ZNF385D: variants seen among roughly 807,000 people sequenced by gnomAD.
ZNF385D encodes the protein zinc finger protein 659.
In ZNF385D, 15 loss-of-function variants were observed where a neutral mutation model predicts 35.8. That is an observed-to-expected ratio of 0.42 (90% confidence interval 0.28 to 0.64). ZNF385D has a LOEUF of 0.64. Ranked by LOEUF, ZNF385D falls within the 30% of genes least tolerant of loss-of-function variation. The probability of loss-of-function intolerance (pLI) is 0.23; values close to 1 mark genes in which losing one functional copy is unlikely to be tolerated. For synonymous variants in ZNF385D, 212 were observed against 186.8 expected, an observed-to-expected ratio of 1.13 and a Z score of -1.10; for missense variants, 474 against 494.6, an observed-to-expected ratio of 0.96 and a Z score of 0.39.
chr3:21,860,575 A>T (rs2670245), intron 3 of ZNF385D, among the ~76,000 whole-genome samples: 65,137 of 151,992 alleles, frequency 0.43, 14,466 homozygotes, highest in Middle Eastern at 0.62. Context: ...CACTGCCAAC[A>T]TGAAAGTGCT....
chr3:22,031,130 T>A (rs989562220), intron 3 of ZNF385D, among the ~76,000 whole-genome samples: 1 of 152,204 alleles, frequency 6.6e-6, no homozygotes, highest in African/African-American at 2.4e-5. Context: ...GCTGCTTTCT[T>A]AGGCTGGTGT....
intron 2 of ZNF385D, among the ~76,000 whole-genome samples, chr3:21,594,147 T>A (rs2064063238): frequency 6.6e-6 from 1 of 152,202 alleles, no homozygotes; most frequent in East Asian, 1.9e-4. Context: ...CAGGCAATTC[T>A]AAAAGTTGTT....
At chr3:21,616,734 T>C (rs1039874510) in intron 2 of ZNF385D, among the ~76,000 whole-genome samples, 9 of 152,220 alleles carry the variant, frequency 5.9e-5, no homozygotes, top group Non-Finnish European at 1.2e-4. Flanking sequence ...ATAGCACTCA[T>C]TATAACATTT....
At chr3:22,253,308 G>C (rs1469567352) in intron 2 of ZNF385D, among the ~76,000 whole-genome samples, 4 of 151,716 alleles carry the variant, frequency 2.6e-5, no homozygotes, top group Non-Finnish European at 5.9e-5. Context: ...CTAAGAAATA[G>C]ACTGTAATTG....
At chr3:21,583,466 T>G (rs551983531) in intron 2 of ZNF385D, among the ~76,000 whole-genome samples, 2 of 152,254 alleles carry the variant, frequency 1.3e-5, no homozygotes, top group African/African-American at 4.8e-5. Context: ...CAAAACAGCT[T>G]CAGATGAAGA....
intron 1 of ZNF385D, among the ~76,000 whole-genome samples, chr3:21,726,690 A>G (rs895379285): frequency 5.9e-5 from 9 of 152,106 alleles, no homozygotes; most frequent in African/African-American, 9.7e-5. Context: ...ACAAATGGAA[A>G]AAGTTTGCAT....
intron 1 of ZNF385D, among the ~76,000 whole-genome samples, chr3:21,673,389 A>G (rs1425765190): frequency 6.6e-6 from 1 of 152,186 alleles, no homozygotes; most frequent in Non-Finnish European, 1.5e-5. Flanking sequence ...TGGACATTAC[A>G]GCTCCAGTGC....
At chr3:21,976,777 G>C (rs1703650767) in intron 3 of ZNF385D, among the ~76,000 whole-genome samples, 1 of 152,176 alleles carries the variant, frequency 6.6e-6, no homozygotes, top group Admixed American at 6.5e-5. Context: ...CAGATCATGA[G>C]GTCAGGAGTT....
intron 3 of ZNF385D, among the ~76,000 whole-genome samples, chr3:21,885,478 A>T (rs1034028626): frequency 1.3e-5 from 2 of 151,984 alleles, no homozygotes; most frequent in Non-Finnish European, 2.9e-5. Context: ...CAATATTTTT[A>T]CTGGGAAAAG....
chr3:22,296,736 A>G (rs1196611180), intron 2 of ZNF385D, among the ~76,000 whole-genome samples: 1 of 152,062 alleles, frequency 6.6e-6, no homozygotes, highest in African/African-American at 2.4e-5. Flanking sequence ...AGAAACCTCC[A>G]TGTGGCCTCT....
chr3:22,331,982 C>T (rs1036135122), intron 2 of ZNF385D, among the ~76,000 whole-genome samples: 3 of 152,028 alleles, frequency 2.0e-5, no homozygotes, highest in South Asian at 2.1e-4. Flanking sequence ...TTACTTGAAA[C>T]TTAATAGTTT....
At chr3:21,860,561 C>A (rs1257972058) in intron 3 of ZNF385D, among the ~76,000 whole-genome samples, 1 of 152,152 alleles carries the variant, frequency 6.6e-6, no homozygotes, top group African/African-American at 2.4e-5. Flanking sequence ...AAGGGAGACA[C>A]TGCCACTGCC....
At chr3:22,206,727 AATG>A (rs773443563) in intron 2 of ZNF385D, among the ~76,000 whole-genome samples, 2 of 151,926 alleles carry the variant, frequency 1.3e-5, no homozygotes, top group Non-Finnish European at 2.9e-5. Flanking sequence ...TCTTGAAACA[AATG>A]ATAATAAGAA....
At chr3:21,890,193 G>C (rs989529554) in intron 3 of ZNF385D, among the ~76,000 whole-genome samples, 6 of 152,170 alleles carry the variant, frequency 3.9e-5, no homozygotes, top group African/African-American at 1.4e-4. Flanking sequence ...ATATAAGCAA[G>C]AGAGGGAATA....
chr3:21,981,031 C>T (rs1428021937), intron 3 of ZNF385D, among the ~76,000 whole-genome samples: 1 of 152,004 alleles, frequency 6.6e-6, no homozygotes, highest in African/African-American at 2.4e-5. Context: ...TGAACATTCA[C>T]GTGCATGTGT....
At chr3:21,897,558 C>T (rs1237209141) in intron 3 of ZNF385D, among the ~76,000 whole-genome samples, 1 of 152,036 alleles carries the variant, frequency 6.6e-6, no homozygotes, top group African/African-American at 2.4e-5. Flanking sequence ...GTGGCTAACT[C>T]TCATTTATTT....
chr3:21,879,178 A>G (rs974323776), intron 3 of ZNF385D, among the ~76,000 whole-genome samples: 1 of 152,038 alleles, frequency 6.6e-6, no homozygotes, highest in African/African-American at 2.4e-5. Flanking sequence ...AATTTTTAAA[A>G]ATCATGAATG....
chr3:22,331,874 C>T (rs1177699252), intron 2 of ZNF385D, among the ~76,000 whole-genome samples: 1 of 152,070 alleles, frequency 6.6e-6, no homozygotes, highest in Non-Finnish European at 1.5e-5. Context: ...TAGGTAATTT[C>T]TATAGTAACT....
At chr3:21,998,524 A>G (rs1348430814) in intron 3 of ZNF385D, among the ~76,000 whole-genome samples, 1 of 152,214 alleles carries the variant, frequency 6.6e-6, no homozygotes, top group East Asian at 1.9e-4. Flanking sequence ...TGACTTTCTC[A>G]TCAATAAACA....
Sources: allele counts gnomAD v4.1 joint callset (sites outside exome capture counted in the v4.1 genomes callset), GRCh38; gene constraint gnomAD v4.1.1; transcripts MANE v1.5; gene names NCBI Gene and HGNC (gene_info 2026-07-23, HGNC 2026-07-21).